SMAD7: variants seen among roughly 807,000 people sequenced by gnomAD.
SMAD7 encodes the protein MAD (mothers against decapentaplegic, Drosophila) homolog 7.
Under a neutral mutation model 38.7 loss-of-function variants are expected in SMAD7, and 8 were observed. The observed-to-expected ratio is 0.21, with a 90% confidence interval of 0.12 to 0.37. The LOEUF (loss-of-function observed/expected upper bound fraction) is 0.37. SMAD7 is among the 10% of genes least tolerant of loss of function. The pLI is 1.00. For synonymous variants in SMAD7, 327 were observed against 265.1 expected (o/e 1.23, Z -2.27); for missense variants, 477 against 577.9 (o/e 0.83, Z 1.79).
At chr18:48,947,542 T>C (rs75728637) in intron 2 of SMAD7, among the ~76,000 whole-genome samples, 1 of 152,214 alleles carries the variant, frequency 6.6e-6, no homozygotes, top group Non-Finnish European at 1.5e-5. Context: ...CAAGGTTACA[T>C]ACAACCTGTA....
At chr18:48,928,106 G>C (rs563515077) in intron 3 of SMAD7, among the ~76,000 whole-genome samples, 2 of 152,334 alleles carry the variant, frequency 1.3e-5, no homozygotes, top group African/African-American at 2.4e-5. Context: ...AGCAAGAAGT[G>C]GGGGGTGATA....
rs1339572206 is a variant in SMAD7, at chr18:48,950,365, G to T, written c.60C>A (p.Gly20=). The change falls in exon 1 of 4, where the codon GGC becomes GGA. Residue 20 remains glycine, a synonymous_variant. Coordinates refer to ENST00000262158, the MANE Select transcript of SMAD7 (RefSeq NM_005904.4). The part of the protein sequence containing the change: ...VRRLWRSRAP[G]GEDEEEGAGG... Reference sequence around the variant, plus strand: ...CTGCGCCCTCCTCCTCGTCCTCGCCGCCGGGCGCACGGCTCCTCCAGAGAC... The same window carrying T: ...CTGCGCCCTCCTCCTCGTCCTCGCCTCCGGGCGCACGGCTCCTCCAGAGAC... The T allele has an allele frequency of 9.7e-6, 15 of 1,541,980 alleles. No homozygotes were observed. Among genetic ancestry groups the T allele is most frequent in the Non-Finnish European group, 1.3e-5 (15 of 1,143,674 alleles).
At chr18:48,927,829 T>G (rs1434138362) in intron 3 of SMAD7, among the ~76,000 whole-genome samples, 1 of 152,170 alleles carries the variant, frequency 6.6e-6, no homozygotes, top group Non-Finnish European at 1.5e-5. Flanking sequence ...GCATAGGCTG[T>G]GTTCTCTAAG....
At chr18:48,945,738 A>G (rs1359792541) in intron 2 of SMAD7, among the ~76,000 whole-genome samples, 2 of 152,044 alleles carry the variant, frequency 1.3e-5, no homozygotes, top group Non-Finnish European at 2.9e-5. Flanking sequence ...GTCCCTCAAG[A>G]GCTCACCCAG....
intron 3 of SMAD7, among the ~76,000 whole-genome samples, chr18:48,935,936 A>G (rs756962139): frequency 6.6e-6 from 1 of 152,100 alleles, no homozygotes; most frequent in African/African-American, 2.4e-5. Context: ...TTAGCCAGGC[A>G]TGGTGTGGCA....
chr18:48,931,920 G>A (rs1465050110), intron 3 of SMAD7, among the ~76,000 whole-genome samples: 1 of 152,168 alleles, frequency 6.6e-6, no homozygotes, highest in African/African-American at 2.4e-5. Context: ...TGGGGGGAAG[G>A]TGGGGGGGCT....
Position 48,942,553 on chromosome 18 carries a change from C to T in SMAD7, c.670G>A (p.Asp224Asn), listed in dbSNP as rs1348386383. The T allele has an allele frequency of 6.2e-7, 1 of 1,613,172 alleles. No individual in the cohort carries two copies. The highest frequency in any genetic ancestry group is 1.3e-5 in the African/African-American group (1 of 74,908). Residue 224 changes from aspartate to asparagine, a missense_variant and splice_region_variant, in exon 3 of 4, where the codon GAC becomes AAC. Transcript: ENST00000262158. Reference protein sequence around the residue: ...YPMDFLKPTADCPDAVPSSAE... With the variant: ...YPMDFLKPTANCPDAVPSSAE... ...GAGGAAGGCACAGCATCTGGACAGT[C>T]TGCTGTGGATTTGAAAAGGGGAGAG...
intron 3 of SMAD7, among the ~76,000 whole-genome samples, chr18:48,942,257 T>TC (rs2070148757): frequency 2.0e-5 from 3 of 152,150 alleles, no homozygotes; most frequent in South Asian, 4.2e-4. Flanking sequence ...CGCTCTTGTC[T>TC]CCCCGTCCAC....
rs1298559701 is a variant in SMAD7 at position 48,928,206 on chromosome 18, A to G, written c.743-6296T>C. 1.3e-5 allele frequency among the ~76,000 whole-genome samples: 2 copies of G among 152,128 alleles called. 1 individual carries two copies. The highest frequency in any genetic ancestry group is 2.9e-5 in the Non-Finnish European group (2 of 68,018). ...GTTTGACCTGTCCATAAATAATGTA[A>G]AGGGGACAAGGGAAGATGGCCCCAT... On this transcript the variant is annotated intron_variant, in intron 3 of 3. Transcript: ENST00000262158.
At position 48,948,376 on chromosome 18, in the gene SMAD7, C is replaced by A; in HGVS notation, c.667+8G>T. On this transcript the variant is annotated splice_region_variant and intron_variant, in intron 2 of 3. Coordinates refer to ENST00000262158, the MANE Select transcript of SMAD7 (RefSeq NM_005904.4). ...ATAAGCAGGATATTTTAAAAATCAT[C>A]TACTCACCAGTTGGTTTGAGAAAAT... is the stretch of plus-strand genomic sequence containing the variant. 1 of 1,574,198 alleles carries A rather than the reference C, an allele frequency of 6.4e-7. No homozygotes were observed. The highest frequency in any genetic ancestry group is 1.4e-5 in the African/African-American group (1 of 73,274).
At chr18:48,948,008 C>T (rs2070215837) in intron 2 of SMAD7, among the ~76,000 whole-genome samples, 1 of 151,998 alleles carries the variant, frequency 6.6e-6, no homozygotes, top group African/African-American at 2.4e-5. Flanking sequence ...TCGAATCACC[C>T]TTTCCATTAT....
At chr18:48,945,723 C>A (rs921235757) in intron 2 of SMAD7, among the ~76,000 whole-genome samples, 1 of 152,134 alleles carries the variant, frequency 6.6e-6, no homozygotes, top group African/African-American at 2.4e-5. Context: ...ATACTGGCCA[C>A]CTGGGTCCCT....
At chr18:48,930,337 C>T (rs2069982664) in intron 3 of SMAD7, among the ~76,000 whole-genome samples, 3 of 152,174 alleles carry the variant, frequency 2.0e-5, no homozygotes. Context: ...CACCCAGGAC[C>T]TCCCAGACCC....
chr18:48,949,373 G>C, intron 1 of SMAD7: 1 of 580,856 alleles, frequency 1.7e-6, no homozygotes, highest in Non-Finnish European at 2.2e-6. Context: ...TTTATAGCAC[G>C]CCTCTCCCAG....
At chr18:48,929,563 T>A (rs937288363) in intron 3 of SMAD7, among the ~76,000 whole-genome samples, 38 of 38,558 alleles carry the variant, frequency 9.9e-4, no homozygotes, top group Non-Finnish European at 2.0e-3. Context: ...TCTCTCTCTC[T>A]CTCTCTCACT....
intron 2 of SMAD7, among the ~76,000 whole-genome samples, chr18:48,943,820 T>C (rs2070168351): frequency 7.3e-6 from 1 of 137,280 alleles, no homozygotes; most frequent in Non-Finnish European, 1.5e-5. Context: ...CCAAACCATC[T>C]CTGGGTTTCT....
chr18:48,948,294 CA>C (rs2070218914), intron 2 of SMAD7, 89 bp downstream of exon 2: 3 of 839,988 alleles, frequency 3.6e-6, no homozygotes. Flanking sequence ...AGCACCTCCC[CA>C]AGCCTTTGCC....
intron 3 of SMAD7, among the ~76,000 whole-genome samples, chr18:48,934,312 AG>A (rs2070037951): frequency 6.6e-6 from 1 of 152,124 alleles, no homozygotes; most frequent in African/African-American, 2.4e-5. Context: ...CTGCAGGATG[AG>A]GGGGACACGG....
intron 3 of SMAD7, among the ~76,000 whole-genome samples, chr18:48,939,333 G>C (rs967498045): frequency 7.2e-5 from 11 of 151,922 alleles, no homozygotes; most frequent in Non-Finnish European, 1.2e-4. Context: ...GGTGGGGTGT[G>C]TTTCACTGCA....
Sources: gnomAD v4.1 joint callset for allele counts (sites outside exome capture counted in the v4.1 genomes callset) on GRCh38, gnomAD v4.1.1 for gene constraint, MANE v1.5 for transcripts, NCBI Gene and HGNC (gene_info 2026-07-23, HGNC 2026-07-21) for gene names.